Variants in GAS7 observed in about 807,000 individuals in gnomAD.
GAS7 encodes growth arrest specific 7.
In GAS7, 28 loss-of-function variants were observed where a neutral mutation model predicts 71.1. The observed-to-expected ratio is 0.39, with a 90% CI of 0.29 to 0.54. GAS7 has a LOEUF of 0.54. Ranked by LOEUF, GAS7 falls within the 20% of genes least tolerant of loss-of-function variation. The pLI is 0.62. For missense variants in GAS7, 436 were observed against 627.8 expected (o/e 0.69, Z 3.27); for synonymous variants, 258 against 245.8 (o/e 1.05, Z -0.46).
chr17:10,056,039 G>A (rs548818767), intron 1 of GAS7, among the ~76,000 whole-genome samples: 86 of 152,168 alleles, frequency 5.7e-4, no homozygotes, highest in South Asian at 1.9e-3. Flanking sequence ...TATCATTCAC[G>A]GGCACTTAGA....
chr17:10,090,820 C>T (rs1348316423), intron 1 of GAS7, among the ~76,000 whole-genome samples: 1 of 152,084 alleles, frequency 6.6e-6, no homozygotes, highest in East Asian at 1.9e-4. Context: ...GGGATGGCAA[C>T]CTCAGAACAT....
At chr17:10,014,501 T>G (rs1044489132) in intron 2 of GAS7, among the ~76,000 whole-genome samples, 3 of 152,010 alleles carry the variant, frequency 2.0e-5, no homozygotes, top group Admixed American at 2.0e-4. Context: ...GGCCCCTGAC[T>G]CTCTCTCTCA....
rs947045890 is a variant in GAS7 at position 10,026,353 on chromosome 17, T to C, written c.184-6456A>G. The C allele has an allele frequency of 6.5e-6, 6 of 917,778 alleles. No individual in the cohort carries two copies. The East Asian group carries it at 7.0e-4, about 108-fold the overall frequency. The allele number at this position is 917,778 out of a possible 1,614,324, so 56.9% of individuals were successfully genotyped here. A position where few individuals can be genotyped will look rare whatever the true frequency, so the allele number is the denominator to read the frequency against. ...CACTCCCCCCACACCCAGATCTATA[T>C]ATAACAGCTCTGAAGTTGTCAGCCT... On this transcript the variant is annotated intron_variant, in intron 1 of 13. Coordinates refer to ENST00000432992, the MANE Select transcript of GAS7 (RefSeq NM_201433.2). The surrounding 1 kb of genome is among the most constrained non-coding windows in gnomAD (Gnocchi z 4.5).
At chr17:10,018,673 C>T (rs936511226) in intron 2 of GAS7, among the ~76,000 whole-genome samples, 1 of 152,180 alleles carries the variant, frequency 6.6e-6, no homozygotes, top group African/African-American at 2.4e-5. Flanking sequence ...TACGAATAAA[C>T]CAGCTGCCTT....
intron 9 of GAS7, among the ~76,000 whole-genome samples, chr17:9,929,304 AG>A (rs2068124985): frequency 6.6e-6 from 1 of 152,118 alleles, no homozygotes. Flanking sequence ...CCCCAGCCCC[AG>A]GTTCTGTGGT....
intron 1 of GAS7, among the ~76,000 whole-genome samples, chr17:10,167,040 TTG>T (rs2074299196): frequency 1.5e-5 from 2 of 135,230 alleles, no homozygotes; most frequent in African/African-American, 2.7e-5. Flanking sequence ...CTATTTCCAT[TTG>T]TCTTTTTTTT....
intron 4 of GAS7, among the ~76,000 whole-genome samples, chr17:9,966,732 G>A (rs1196391838): frequency 6.6e-6 from 1 of 152,090 alleles, no homozygotes. Context: ...GGTGGCCGGC[G>A]CCTGCAGTCC....
chr17:10,161,882 G>T (rs2074258899), intron 1 of GAS7, among the ~76,000 whole-genome samples: 1 of 151,960 alleles, frequency 6.6e-6, no homozygotes, highest in Admixed American at 6.6e-5. Flanking sequence ...GGTTAACGCG[G>T]TGAAACCCCG....
intron 1 of GAS7, among the ~76,000 whole-genome samples, chr17:10,060,275 C>T (rs566909563): frequency 1.3e-5 from 2 of 152,320 alleles, no homozygotes; most frequent in East Asian, 1.9e-4. Flanking sequence ...ACCAGCTAGC[C>T]GAGTGACACT....
chr17:10,019,654 A>T, intron 2 of GAS7, 123 bp downstream of exon 2: 1 of 930,236 alleles, frequency 1.1e-6, no homozygotes, highest in Non-Finnish European at 1.6e-6. Flanking sequence ...GTAGCCCCTG[A>T]GCATAGACTT....
chr17:9,994,568 C>A (rs2070964903), intron 2 of GAS7, among the ~76,000 whole-genome samples: 1 of 148,810 alleles, frequency 6.7e-6, no homozygotes, highest in Admixed American at 6.7e-5. Context: ...GACCTAAAAC[C>A]ATAAAAACCC....
chr17:10,070,783 A>T (rs573201696), intron 1 of GAS7, among the ~76,000 whole-genome samples: 1 of 152,034 alleles, frequency 6.6e-6, no homozygotes, highest in African/African-American at 2.4e-5. Context: ...CTAAATCTAG[A>T]GTCTAGGGAG....
chr17:10,188,665 G>A (rs2074475089), intron 1 of GAS7, among the ~76,000 whole-genome samples: 1 of 152,160 alleles, frequency 6.6e-6, no homozygotes, highest in Non-Finnish European at 1.5e-5. Flanking sequence ...AAGAGACAGA[G>A]TCTCACGCTT....
At chr17:10,084,669 G>A (rs1465955290) in intron 1 of GAS7, among the ~76,000 whole-genome samples, 7 of 152,108 alleles carry the variant, frequency 4.6e-5, no homozygotes, top group Admixed American at 3.9e-4. Context: ...GTTTCACCAT[G>A]TTGGCCAGGC....
chr17:10,059,855 T>G, intron 1 of GAS7: 1 of 974,586 alleles, frequency 1.0e-6, no homozygotes, highest in Non-Finnish European at 1.2e-6. Context: ...AATAGAGACT[T>G]GACGTTGCCG....
intron 1 of GAS7, among the ~76,000 whole-genome samples, chr17:10,066,283 C>G (rs1300790215): frequency 6.6e-6 from 1 of 152,136 alleles, no homozygotes; most frequent in Non-Finnish European, 1.5e-5. Flanking sequence ...CGGGTTCAAG[C>G]GATTCTCCTG....
In GAS7 at chr17:10,005,078, C is replaced by CACACAT. The variant is rs1555617257; in HGVS notation, c.304+14698_304+14699insATGTGT. ...ACATATATGTGTGTATGCACGCATA[C>CACACAT]ATGCGTGTGTGCACGCATACATGCA... On this transcript the variant is annotated intron_variant, in intron 2 of 13. Coordinates refer to ENST00000432992, the MANE Select transcript of GAS7 (RefSeq NM_201433.2). Among the ~76,000 whole-genome samples the CACACAT allele has an allele frequency of 6.4e-3, 816 of 127,324 alleles. 3 individuals are homozygous for CACACAT. Among genetic ancestry groups the CACACAT allele is most frequent in the South Asian group, 0.046 (196 of 4,232 alleles). The allele number at this position is 127,324 out of a possible 152,430, so 83.5% of individuals were successfully genotyped here.
chr17:10,144,265 T>C (rs2074105433), intron 1 of GAS7, among the ~76,000 whole-genome samples: 1 of 152,152 alleles, frequency 6.6e-6, no homozygotes, highest in Non-Finnish European at 1.5e-5. Context: ...CAGAGCCAGG[T>C]ATGTGTTCTG....
Position 9,928,556 on chromosome 17 carries a change from C to T in GAS7, c.886-1787G>A, listed in dbSNP as rs369816952. On this transcript the variant is annotated intron_variant, in intron 9 of 13. Transcript: ENST00000432992. ...CTTCAACCTATGACCACCCCACCAC[C>T]GCAAATCTGCCTCCACCGGTCTTAG... 7.7e-4 allele frequency among the ~76,000 whole-genome samples: 117 copies of T among 152,336 alleles called. 1 individual carries two copies. Among genetic ancestry groups the T allele is most frequent in the African/African-American group, 2.7e-3 (113 of 41,568 alleles).
Sources: gnomAD v4.1 joint callset for allele counts (sites outside exome capture counted in the v4.1 genomes callset) on GRCh38, gnomAD v4.1.1 for gene constraint, Gnocchi (gnomAD v3.1) non-coding constraint, MANE v1.5 for transcripts, NCBI Gene and HGNC (gene_info 2026-07-23, HGNC 2026-07-21) for gene names.